The following DNAJC5B variants were observed in gnomAD, a reference collection of about 807,000 sequenced individuals.
The protein encoded by DNAJC5B is dnaJ homolog subfamily C member 5B.
Under a neutral mutation model 24.7 loss-of-function variants are expected in DNAJC5B, and 23 were observed. The observed-to-expected ratio is 0.93, with a 90% CI of 0.67 to 1.32. The LOEUF (loss-of-function observed/expected upper bound fraction) is 1.32. DNAJC5B is among the 40% of genes most tolerant of loss of function. The probability of loss-of-function intolerance (pLI) is 0.00; values close to 1 mark genes in which losing one functional copy is unlikely to be tolerated. For missense variants in DNAJC5B, 238 were observed against 240.8 expected, an observed-to-expected ratio of 0.99 and a Z score of 0.08; for synonymous variants, 101 against 90.1, an observed-to-expected ratio of 1.12 and a Z score of -0.68.
intron 5 of DNAJC5B, among the ~76,000 whole-genome samples, chr8:66,098,359 C>G (rs193020665): frequency 1.3e-5 from 2 of 152,056 alleles, no homozygotes; most frequent in East Asian, 1.9e-4. Context: ...TGTGCCACCA[C>G]GCCCAGCTAA....
At chr8:66,047,123 G>T (rs986136362) in intron 2 of DNAJC5B, among the ~76,000 whole-genome samples, 2 of 152,314 alleles carry the variant, frequency 1.3e-5, no homozygotes, top group South Asian at 2.1e-4. Context: ...TATGTAGGAC[G>T]CCAGATAATA....
chr8:66,027,561 A>G (rs1214474869), intron 1 of DNAJC5B, among the ~76,000 whole-genome samples: 1 of 108,368 alleles, frequency 9.2e-6, no homozygotes, highest in African/African-American at 9.7e-5. Flanking sequence ...TATATTACCA[A>G]TATTGTTGTC....
intron 1 of DNAJC5B, among the ~76,000 whole-genome samples, chr8:66,041,860 G>A (rs1249699553): frequency 6.6e-6 from 1 of 152,078 alleles, no homozygotes; most frequent in African/African-American, 2.4e-5. Context: ...ATGTAATGAC[G>A]TCCTATGTAT....
chr8:66,020,956 T>C (rs1052842152), upstream of DNAJC5B, among the ~76,000 whole-genome samples: 2 of 152,156 alleles, frequency 1.3e-5, no homozygotes, highest in African/African-American at 4.8e-5. Context: ...CTCTGGACTT[T>C]CATTTGAGCT....
At chr8:66,092,578 A>T (rs1807869530) in intron 5 of DNAJC5B, among the ~76,000 whole-genome samples, 1 of 152,200 alleles carries the variant, frequency 6.6e-6, no homozygotes, top group South Asian at 2.1e-4. Context: ...TCTACCTCAG[A>T]AAAAGAATGT....
intron 2 of DNAJC5B, among the ~76,000 whole-genome samples, chr8:66,050,488 C>CA (rs1251675710): frequency 6.6e-6 from 1 of 152,144 alleles, no homozygotes; most frequent in Non-Finnish European, 1.5e-5. Flanking sequence ...CAACAATACC[C>CA]AAATGTTCAA....
At chr8:66,043,950 C>T (rs922139423) in intron 2 of DNAJC5B, among the ~76,000 whole-genome samples, 34 of 151,754 alleles carry the variant, frequency 2.2e-4, no homozygotes, top group African/African-American at 8.2e-4. Flanking sequence ...CCTCAGCCTC[C>T]TGAGTTGCTG....
At chr8:66,049,423 T>C (rs1173597802) in intron 2 of DNAJC5B, among the ~76,000 whole-genome samples, 3 of 152,246 alleles carry the variant, frequency 2.0e-5, no homozygotes, top group Non-Finnish European at 4.4e-5. Flanking sequence ...TTTTTATCTT[T>C]CACACTACAT....
chr8:66,066,952 C>G (rs1048392624), intron 3 of DNAJC5B, among the ~76,000 whole-genome samples: 1 of 152,054 alleles, frequency 6.6e-6, no homozygotes, highest in African/African-American at 2.4e-5. Context: ...TGGGTTTCAG[C>G]CTGCAGTGAA....
At chr8:66,018,202 G>T (rs1806009488), upstream of DNAJC5B, among the ~76,000 whole-genome samples, 2 of 152,112 alleles carry the variant, frequency 1.3e-5, no homozygotes, top group Non-Finnish European at 2.9e-5. Context: ...AAACTTGATG[G>T]GTGGGGCCTG....
At chr8:66,050,046 A>G (rs1346509455) in intron 2 of DNAJC5B, among the ~76,000 whole-genome samples, 1 of 152,260 alleles carries the variant, frequency 6.6e-6, no homozygotes, top group Non-Finnish European at 1.5e-5. Context: ...ATGTCAACAC[A>G]ATACATTTGA....
intron 5 of DNAJC5B, among the ~76,000 whole-genome samples, chr8:66,088,816 T>G (rs1409388608): frequency 6.6e-6 from 1 of 152,124 alleles, no homozygotes; most frequent in African/African-American, 2.4e-5. Flanking sequence ...AGCCTGGACT[T>G]CATTGTTCAT....
At chr8:66,050,473 C>G (rs1586081169) in intron 2 of DNAJC5B, among the ~76,000 whole-genome samples, 1 of 152,154 alleles carries the variant, frequency 6.6e-6, no homozygotes, top group Non-Finnish European at 1.5e-5. Context: ...TTAATTCAGG[C>G]CAGCCAACAA....
At chr8:66,042,033 C>T (rs898323988) in intron 1 of DNAJC5B, among the ~76,000 whole-genome samples, 2 of 152,128 alleles carry the variant, frequency 1.3e-5, no homozygotes, top group Admixed American at 1.3e-4. Flanking sequence ...GGGAAGCTTT[C>T]TCTAATCTTC....
chr8:66,051,689 T>C, intron 3 of DNAJC5B, 23 bp downstream of exon 3: 1 of 1,551,218 alleles, frequency 6.4e-7, no homozygotes, highest in Non-Finnish European at 8.9e-7. Context: ...ATGGTGACAT[T>C]TCTTCTGCTA....
intron 5 of DNAJC5B, among the ~76,000 whole-genome samples, chr8:66,086,843 T>C (rs912463663): frequency 6.6e-6 from 1 of 152,230 alleles, no homozygotes; most frequent in Non-Finnish European, 1.5e-5. Flanking sequence ...CAGTTCTTTC[T>C]TCTATTATTC....
chr8:66,029,233 T>C (rs1675867313), intron 1 of DNAJC5B, among the ~76,000 whole-genome samples: 1 of 152,192 alleles, frequency 6.6e-6, no homozygotes, highest in Non-Finnish European at 1.5e-5. Context: ...CCAGGTGGGA[T>C]TGGGAGACCA....
chr8:66,090,075 A>G (rs1021425952), intron 5 of DNAJC5B, among the ~76,000 whole-genome samples: 3 of 152,130 alleles, frequency 2.0e-5, no homozygotes, highest in Non-Finnish European at 2.9e-5. Flanking sequence ...GGAGTTCTAC[A>G]TTGTGAAATT....
intron 3 of DNAJC5B, among the ~76,000 whole-genome samples, chr8:66,075,096 T>C (rs542593277): frequency 6.6e-6 from 1 of 152,180 alleles, no homozygotes; most frequent in East Asian, 1.9e-4. Flanking sequence ...TGATTTGGAG[T>C]CTCGCTGTCG....
Sources: allele counts gnomAD v4.1 joint callset (sites outside exome capture counted in the v4.1 genomes callset), GRCh38; gene constraint gnomAD v4.1.1; transcripts MANE v1.5; gene names NCBI Gene and HGNC (gene_info 2026-07-23, HGNC 2026-07-21).